Variants in SPOPL observed in about 807,000 individuals in gnomAD.
SPOPL encodes speckle type BTB/POZ protein like, also known as speckle-type POZ protein-like.
SPOPL carries 23 observed loss-of-function variants against 53.8 expected under a neutral mutation model. That is an observed-to-expected ratio of 0.43 (90% CI 0.31 to 0.61). SPOPL has a LOEUF of 0.61. SPOPL is among the 20% of genes least tolerant of loss of function. The pLI is 0.12. For synonymous variants in SPOPL, 164 were observed against 149.7 expected (o/e 1.10, Z -0.70); for missense variants, 442 against 466.9 (o/e 0.95, Z 0.49).
At chr2:138,531,839 C>G (rs528226461) in intron 1 of SPOPL, among the ~76,000 whole-genome samples, 2 of 151,876 alleles carry the variant, frequency 1.3e-5, no homozygotes, top group Non-Finnish European at 2.9e-5. Context: ...TTTTGGCAGC[C>G]TGATAATTTT....
At chr2:138,539,793 C>T (rs892280364) in intron 1 of SPOPL, among the ~76,000 whole-genome samples, 1 of 152,138 alleles carries the variant, frequency 6.6e-6, no homozygotes, top group African/African-American at 2.4e-5. Context: ...GTTGCCATTG[C>T]TTTTGGTGTT....
At chr2:138,557,975 A>G (rs1685464066) in intron 5 of SPOPL, among the ~76,000 whole-genome samples, 1 of 152,216 alleles carries the variant, frequency 6.6e-6, no homozygotes, top group Non-Finnish European at 1.5e-5. Context: ...CCTGGCCAAC[A>G]TGGTGAAATG....
At chr2:138,517,235 TAGAG>T (rs1170492721) in intron 1 of SPOPL, among the ~76,000 whole-genome samples, 6 of 152,126 alleles carry the variant, frequency 3.9e-5, no homozygotes, top group Non-Finnish European at 8.8e-5. Context: ...GTTGGGATGT[TAGAG>T]AGAATATTCT....
chr2:138,550,796 A>G, intron 3 of SPOPL, 107 bp from the exon 4 acceptor site: 1 of 1,433,522 alleles, frequency 7.0e-7, no homozygotes, highest in Non-Finnish European at 9.4e-7. Flanking sequence ...TTGTGACATT[A>G]ACACATGATT....
Position 138,573,518 on chromosome 2 carries a change from T to G in SPOPL, c.*4438T>G, listed in dbSNP as rs980558668. 6.6e-6 allele frequency: 1 copy of G among 152,202 alleles called. No individual in the cohort carries two copies. The highest frequency in any genetic ancestry group is 2.4e-5 in the African/African-American group (1 of 41,440). The allele number at this position is 152,202 out of a possible 1,614,324, so 9.4% of individuals were successfully genotyped here. ...GATCACCTTTTCCCTGTCATTCCTA[T>G]CCTGTCTTAATTTCAGTTATCCCAG... On this transcript the variant is annotated 3_prime_UTR_variant, in exon 11 of 11. Coordinates refer to ENST00000280098, the MANE Select transcript of SPOPL (RefSeq NM_001001664.3).
At position 138,571,583 on chromosome 2, in the gene SPOPL, G is replaced by A. The variant is rs1685782472; in HGVS notation, c.*2503G>A. 6.6e-6 allele frequency: 1 copy of A among 152,310 alleles called. No homozygotes were observed. The highest frequency in any genetic ancestry group is 1.5e-5 in the Non-Finnish European group (1 of 67,964). 9.4% of individuals were successfully genotyped at this position (152,310 alleles called of 1,614,324 possible). On this transcript the variant is annotated 3_prime_UTR_variant, in exon 11 of 11. Coordinates refer to ENST00000280098, the MANE Select transcript of SPOPL (RefSeq NM_001001664.3). ...TATTTTTGGTATTGTGGGTTCTTGA[G>A]GCAATGATAAAAACACTTAATGTAT...
intron 1 of SPOPL, among the ~76,000 whole-genome samples, chr2:138,539,420 T>C (rs1685013170): frequency 6.6e-6 from 1 of 152,016 alleles, no homozygotes; most frequent in Admixed American, 6.5e-5. Context: ...TGTTGTTTCC[T>C]GACTTTTTAA....
chr2:138,536,760 C>T (rs964940942), intron 1 of SPOPL, among the ~76,000 whole-genome samples: 2 of 152,180 alleles, frequency 1.3e-5, no homozygotes, highest in African/African-American at 4.8e-5. Flanking sequence ...TCAGATCATG[C>T]TTGCCTGTTT....
At chr2:138,522,236 A>G (rs911451505) in intron 1 of SPOPL, among the ~76,000 whole-genome samples, 9 of 152,182 alleles carry the variant, frequency 5.9e-5, no homozygotes, top group African/African-American at 1.4e-4. Flanking sequence ...TTAGGACCAC[A>G]TGAAATTGCC....
chr2:138,554,540 G>A (rs916207634), intron 5 of SPOPL: 2 of 1,276,788 alleles, frequency 1.6e-6, no homozygotes, highest in African/African-American at 3.1e-5. Context: ...AGACAGGTAA[G>A]GCAGTTGGGT....
At position 138,564,827 on chromosome 2, in the gene SPOPL, A is replaced by G. The variant is rs201654693; in HGVS notation, c.957A>G (p.Ala319=). ...TGCACAGTGCAGAACAGTTGAAAGC[A>G]CAAGCCATAGACTTTATTAATAGGT... is the stretch of plus-strand genomic sequence containing the variant. ...ADLHSAEQLK[A]QAIDFINRCS... Residue 319 remains alanine, a synonymous_variant, in exon 9 of 11, where the codon GCA becomes GCG. Coordinates refer to ENST00000280098, the MANE Select transcript of SPOPL (RefSeq NM_001001664.3). 6.8e-6 allele frequency: 11 copies of G among 1,614,102 alleles called. No individual in the cohort carries two copies. The East Asian group carries it at 1.6e-4, about 23-fold the overall frequency.
At chr2:138,551,459 A>G (rs1380293306) in intron 4 of SPOPL, among the ~76,000 whole-genome samples, 1 of 151,980 alleles carries the variant, frequency 6.6e-6, no homozygotes, top group East Asian at 1.9e-4. Flanking sequence ...ATACTTTGTC[A>G]CTAGAGTTTT....
intron 1 of SPOPL, among the ~76,000 whole-genome samples, chr2:138,509,591 TA>T (rs74579678): frequency 0.06 from 9,192 of 152,156 alleles, 773 homozygotes; most frequent in East Asian, 0.34. Context: ...GGTGATTTTT[TA>T]AAAAAATAGA....
chr2:138,547,519 T>C (rs1685221387), intron 1 of SPOPL, among the ~76,000 whole-genome samples: 1 of 152,118 alleles, frequency 6.6e-6, no homozygotes, highest in African/African-American at 2.4e-5. Context: ...CAATTTACCT[T>C]CTACCCCAGG....
intron 1 of SPOPL, among the ~76,000 whole-genome samples, chr2:138,505,299 T>A (rs1265181213): frequency 2.0e-5 from 3 of 152,154 alleles, no homozygotes; most frequent in Admixed American, 2.0e-4. Flanking sequence ...TTGAAGGCAT[T>A]TACATTTAGT....
chr2:138,543,055 A>G (rs886241157), intron 1 of SPOPL, among the ~76,000 whole-genome samples: 10 of 152,154 alleles, frequency 6.6e-5, no homozygotes, highest in African/African-American at 2.4e-4. Context: ...ATAATGTTGA[A>G]TATTGGCCCC....
chr2:138,514,925 T>C (rs1684407273), intron 1 of SPOPL, among the ~76,000 whole-genome samples: 2 of 152,130 alleles, frequency 1.3e-5, no homozygotes, highest in Non-Finnish European at 2.9e-5. Flanking sequence ...TATTAAGTTG[T>C]GGGTAGGCTA....
At chr2:138,506,677 A>G (rs1684221581) in intron 1 of SPOPL, among the ~76,000 whole-genome samples, 1 of 151,988 alleles carries the variant, frequency 6.6e-6, no homozygotes, top group African/African-American at 2.4e-5. Flanking sequence ...AGGGGGAGGT[A>G]TTGGTCATTT....
At chr2:138,535,552 T>C (rs1684911486) in intron 1 of SPOPL, among the ~76,000 whole-genome samples, 1 of 140,996 alleles carries the variant, frequency 7.1e-6, no homozygotes. Context: ...GCCATTCTAG[T>C]AGCTTTTTTT....
Sources: gnomAD v4.1 joint callset for allele counts (sites outside exome capture counted in the v4.1 genomes callset) on GRCh38, gnomAD v4.1.1 for gene constraint, MANE v1.5 for transcripts, NCBI Gene and HGNC (gene_info 2026-07-23, HGNC 2026-07-21) for gene names.